Variants in RBFOX3 observed in about 807,000 individuals in gnomAD.
RBFOX3 encodes the protein RNA binding fox-1 homolog 3.
A neutral mutation model predicts 48.7 loss-of-function variants in RBFOX3; 17 were observed. The observed-to-expected ratio is 0.35, with a 90% CI of 0.24 to 0.52. The LOEUF is 0.52. Ranked by LOEUF, RBFOX3 falls within the 20% of genes least tolerant of loss-of-function variation. RBFOX3 has a pLI of 0.94. For synonymous variants in RBFOX3, 212 were observed against 209.5 expected (o/e 1.01, Z -0.10); for missense variants, 382 against 497.5 (o/e 0.77, Z 2.21).
chr17:79,339,304 T>C (rs2081676374), intron 2 of RBFOX3, among the ~76,000 whole-genome samples: 1 of 152,160 alleles, frequency 6.6e-6, no homozygotes, highest in Admixed American at 6.6e-5. Context: ...GATCCTCTTG[T>C]CTCGGCCTCC....
At chr17:79,389,966 T>C (rs2377412) in intron 2 of RBFOX3, among the ~76,000 whole-genome samples, 51 of 145,544 alleles carry the variant, frequency 3.5e-4, no homozygotes, top group Admixed American at 8.2e-4. Context: ...TCCAGGTCTC[T>C]GTAGCCTCCG....
intron 5 of RBFOX3, among the ~76,000 whole-genome samples, chr17:79,113,364 C>T (rs1357077313): frequency 6.6e-6 from 1 of 152,144 alleles, no homozygotes; most frequent in South Asian, 2.1e-4. Flanking sequence ...CTTCGTGGGG[C>T]ACCACGCCGA....
chr17:79,120,156 G>A (rs1481094631), intron 4 of RBFOX3, among the ~76,000 whole-genome samples: 1 of 152,216 alleles, frequency 6.6e-6, no homozygotes, highest in Non-Finnish European at 1.5e-5. Flanking sequence ...GCTTGTGGAA[G>A]GATCTGGTTC....
chr17:79,271,803 G>A (rs1470576793), intron 3 of RBFOX3, among the ~76,000 whole-genome samples: 1 of 152,228 alleles, frequency 6.6e-6, no homozygotes, highest in Non-Finnish European at 1.5e-5. Context: ...CAGAGAAGAA[G>A]CGGATCCTAC....
chr17:79,234,207 CTCTG>C (rs1248536912), intron 4 of RBFOX3: 3 of 150,236 alleles, frequency 2.0e-5, no homozygotes, highest in East Asian at 3.8e-4. Context: ...ACCCCCTGGG[CTCTG>C]TCTCTTTGTC....
At chr17:79,603,392 CT>C (rs2093754118) in intron 1 of RBFOX3, among the ~76,000 whole-genome samples, 1 of 152,204 alleles carries the variant, frequency 6.6e-6, no homozygotes, top group South Asian at 2.1e-4. Context: ...CTGTTATCCC[CT>C]GGATGGCCTG....
intron 2 of RBFOX3, among the ~76,000 whole-genome samples, chr17:79,427,045 G>A (rs181963622): frequency 5.0e-4 from 76 of 152,278 alleles, no homozygotes; most frequent in African/African-American, 1.7e-3. Flanking sequence ...CAGAAGCAGG[G>A]ACCTGGCTCT....
rs944832264 is a variant in RBFOX3, at chr17:79,392,307, T to C, written c.-174-84483A>G. ...CACGGACCTTGCAGCCAGTTGGCCC[T>C]GAATTCCAGCCCTGCCACTTACTAG... is the stretch of plus-strand genomic sequence containing the variant. On this transcript the variant is annotated intron_variant, in intron 2 of 14. Transcript: ENST00000693108. This position sits in a 1 kb window ranked among gnomAD's most constrained non-coding sequence, Gnocchi z 5.0. Among the ~76,000 whole-genome samples the C allele has an allele frequency of 6.6e-6, 1 of 152,214 alleles. No homozygotes were observed. The highest frequency in any genetic ancestry group is 2.4e-5 in the African/African-American group (1 of 41,450).
At chr17:79,225,288 A>ATACTTTT (rs2060182381) in intron 4 of RBFOX3, among the ~76,000 whole-genome samples, 1 of 87,220 alleles carries the variant, frequency 1.1e-5, no homozygotes, top group African/African-American at 4.3e-5. Flanking sequence ...CCCTCCCTCC[A>ATACTTTT]TTCTTTTTTT....
rs889698675 is a variant in RBFOX3 at position 79,505,042 on chromosome 17, G to A, written c.-319-22444C>T. On this transcript the variant is annotated intron_variant, in intron 1 of 14. Transcript: ENST00000693108. ...AATAAGGTAAAGCACCCACTGGCCGGCCAGCTGCTCTGAGCATCCCCAAAG... is the reference window on the plus strand; with the variant it reads ...AATAAGGTAAAGCACCCACTGGCCGACCAGCTGCTCTGAGCATCCCCAAAG... Among the ~76,000 whole-genome samples the A allele has an allele frequency of 2.9e-4, 44 of 152,218 alleles. No homozygotes were observed. The South Asian group carries it at 4.4e-3, about 15-fold the overall frequency.
intron 2 of RBFOX3, among the ~76,000 whole-genome samples, chr17:79,417,618 T>C (rs565813479): frequency 6.6e-6 from 1 of 152,300 alleles, no homozygotes; most frequent in South Asian, 2.1e-4. Flanking sequence ...CATGCATTGC[T>C]GGTGGGAATG....
At chr17:79,211,081 G>A (rs1410792824) in intron 4 of RBFOX3, among the ~76,000 whole-genome samples, 1 of 151,402 alleles carries the variant, frequency 6.6e-6, no homozygotes, top group Non-Finnish European at 1.5e-5. Flanking sequence ...CACAGCAGGA[G>A]CTCCAAAACA....
rs1644755242 is a variant in RBFOX3 at position 79,090,812 on chromosome 17, T to A, written c.*71A>T. On this transcript the variant is annotated 3_prime_UTR_variant, in exon 15 of 15. Coordinates refer to ENST00000693108, the MANE Select transcript of RBFOX3 (RefSeq NM_001350451.2). The stretch of plus-strand genomic sequence containing the variant: ...GGATCTTAACATCTTTTTTTGTTTT[T>A]TTTGTTTTGTGATTTTTTTTGTTTT... The A allele has an allele frequency of 1.3e-6, 2 of 1,481,824 alleles. No individual in the cohort carries two copies. Among genetic ancestry groups the A allele is most frequent in the African/African-American group, 1.4e-5 (1 of 69,704 alleles). The allele number at this position is 1,481,824 out of a possible 1,614,324, so 91.8% of individuals were successfully genotyped here.
chr17:79,106,653 C>G lies in RBFOX3; in HGVS notation c.358G>C (p.Gly120Arg). ...TGGGTGGGGCCGCGCACACTCACCC[C>G]GAACATTTGCCGCAAGTCGGGGTCC... ...FRDPDLRQMF[G>R]QFGKILDVEI... Residue 120 changes from glycine to arginine, a missense_variant and splice_region_variant, in exon 6 of 15, where the codon GGG (glycine) becomes CGG (arginine). Around this residue, in one of 3 missense-constraint regions of RBFOX3, gnomAD observed 49 missense variants for 110.7 expected, o/e 0.44. Transcript: ENST00000693108. 6.8e-7 allele frequency: 1 copy of G among 1,475,340 alleles called. No homozygotes were observed. Among genetic ancestry groups the G allele is most frequent in the Non-Finnish European group, 8.9e-7 (1 of 1,117,472 alleles). 91.4% of individuals were successfully genotyped at this position (1,475,340 alleles called of 1,614,324 possible). A position where few individuals can be genotyped will look rare whatever the true frequency, so the allele number is the denominator to read the frequency against.
At chr17:79,524,652 G>A (rs1208841973) in intron 1 of RBFOX3, among the ~76,000 whole-genome samples, 5 of 152,098 alleles carry the variant, frequency 3.3e-5, no homozygotes, top group East Asian at 1.9e-4. Context: ...GAGCAGGCAC[G>A]GGCACTGGGG....
chr17:79,239,460 C>T (rs1037206453), intron 3 of RBFOX3, among the ~76,000 whole-genome samples: 1 of 152,196 alleles, frequency 6.6e-6, no homozygotes, highest in Non-Finnish European at 1.5e-5. Flanking sequence ...CCGACTTCCC[C>T]AAGTGCACAT....
chr17:79,573,714 C>T (rs1215630288), intron 1 of RBFOX3, among the ~76,000 whole-genome samples: 2 of 152,174 alleles, frequency 1.3e-5, no homozygotes, highest in Non-Finnish European at 2.9e-5. Flanking sequence ...TTCCGCCTTG[C>T]CATCTTCCTC....
At position 79,310,169 on chromosome 17, in the gene RBFOX3, C is replaced by T. The variant is rs530159350; in HGVS notation, c.-174-2345G>A. Among the ~76,000 whole-genome samples, 11 of 152,272 alleles carry T rather than the reference C, an allele frequency of 7.2e-5. No homozygotes were observed. In the South Asian group the frequency reaches 1.5e-3, roughly 20 times the overall value. On this transcript the variant is annotated intron_variant, in intron 2 of 14. Coordinates refer to ENST00000693108, the MANE Select transcript of RBFOX3 (RefSeq NM_001350451.2). ...CCAACTCCTATTTGCATTCCCTGCC[C>T]GCAGCATGGCCTCCATAGCATGCAT... is the stretch of plus-strand genomic sequence containing the variant.
chr17:79,321,671 G>T (rs2078540032), intron 2 of RBFOX3, among the ~76,000 whole-genome samples: 1 of 151,080 alleles, frequency 6.6e-6, no homozygotes, highest in Non-Finnish European at 1.5e-5. Flanking sequence ...ATGCCAAAGA[G>T]CTGGAATTGC....
Sources: gnomAD v4.1 joint callset for allele counts (sites outside exome capture counted in the v4.1 genomes callset) on GRCh38, gnomAD v4.1.1 for gene constraint, gnomAD v4.1.1 regional missense constraint, Gnocchi (gnomAD v3.1) non-coding constraint, MANE v1.5 for transcripts, NCBI Gene and HGNC (gene_info 2026-07-23, HGNC 2026-07-21) for gene names.